Variants in PGM3 observed in about 807,000 individuals in gnomAD.
PGM3 encodes phosphoglucomutase 3.
Under a neutral mutation model 66.2 loss-of-function variants are expected in PGM3, and 40 were observed. The observed-to-expected ratio is 0.60, with a 90% CI of 0.47 to 0.79. The LOEUF (loss-of-function observed/expected upper bound fraction) is 0.79. PGM3 is among the 30% of genes least tolerant of loss of function. The probability of loss-of-function intolerance (pLI) is 0.00; values close to 1 mark genes in which losing one functional copy is unlikely to be tolerated. For synonymous variants in PGM3, 191 were observed against 224.2 expected, an observed-to-expected ratio of 0.85 and a Z score of 1.32; for missense variants, 537 against 643.4, an observed-to-expected ratio of 0.83 and a Z score of 1.79.
Position 83,181,916 on chromosome 6 carries a change from C to T in PGM3, c.607G>A (p.Asp203Asn), listed in dbSNP as rs748552273. 2 of 1,597,010 alleles carry T rather than the reference C, an allele frequency of 1.3e-6. No individual in the cohort carries two copies. Residue 203 changes from aspartate (D) to asparagine (N), a missense_variant, in exon 6 of 13, where the codon GAT (aspartate) becomes AAT (asparagine). Physicochemically the swap from Asp to Asn is conservative, Grantham distance 23 (BLOSUM62 1). Coordinates refer to ENST00000513973, the MANE Select transcript of PGM3 (RefSeq NM_015599.3). Reference protein sequence around the residue: ...ELTKQASCSGDEYRSLKVDCA... With the variant: ...ELTKQASCSGNEYRSLKVDCA... Reference sequence around the variant, plus strand: ...TCAACCTTAAGTGATCTGTATTCATCTCCACTGCAAGAAGCCTACAAAGGA... The same window carrying T: ...TCAACCTTAAGTGATCTGTATTCATTTCCACTGCAAGAAGCCTACAAAGGA...
chr6:83,166,168 T>C lies in PGM3; in HGVS notation c.*3066A>G, dbSNP rs933130352. On this transcript the variant is annotated 3_prime_UTR_variant, in exon 13 of 13. Transcript: ENST00000513973. ...ATTTTTTTATTTTTCACTCAGCTCA[T>C]GAGGCACCCATTTATTGAGCTTTTT... 3.9e-6 allele frequency: 2 copies of C among 509,070 alleles called. No individual in the cohort carries two copies. Among genetic ancestry groups the C allele is most frequent in the African/African-American group, 3.8e-5 (2 of 52,120 alleles). The allele number at this position is 509,070 out of a possible 1,614,324, so 31.5% of individuals were successfully genotyped here. A position where few individuals can be genotyped will look rare whatever the true frequency, so the allele number is the denominator to read the frequency against.
At position 83,167,879 on chromosome 6, in the gene PGM3, C is replaced by T; in HGVS notation, c.*1355G>A. 6.2e-7 allele frequency: 1 copy of T among 1,609,292 alleles called. No homozygotes were observed. The highest frequency in any genetic ancestry group is 8.5e-7 in the Non-Finnish European group (1 of 1,177,020). On this transcript the variant is annotated 3_prime_UTR_variant, in exon 13 of 13. Coordinates refer to ENST00000513973, the MANE Select transcript of PGM3 (RefSeq NM_015599.3). ...TTCTGCAGAAAAATCCAGAGGAAGA[C>T]AACTCAGGGAGAACATTGGGTTGGG... is the stretch of plus-strand genomic sequence containing the variant.
downstream of PGM3, among the ~76,000 whole-genome samples, chr6:83,161,498 G>T (rs891050754): frequency 6.6e-6 from 1 of 152,062 alleles, no homozygotes; most frequent in African/African-American, 2.4e-5. Context: ...AGATATTTTC[G>T]ATGTATATGA....
Position 83,166,926 on chromosome 6 carries a change from A to G in PGM3, c.*2308T>C, listed in dbSNP as rs889761613. On this transcript the variant is annotated 3_prime_UTR_variant, in exon 13 of 13. Transcript: ENST00000513973. ...ATGATTTCTTCCTTCTGTCTAGTTCATTGCTTATTTTCATTCTTTAGTGTG... is the reference window on the plus strand; with the variant it reads ...ATGATTTCTTCCTTCTGTCTAGTTCGTTGCTTATTTTCATTCTTTAGTGTG... 3 of 986,976 alleles carry G rather than the reference A, an allele frequency of 3.0e-6. No homozygotes were observed. The African/African-American group carries it at 5.2e-5, about 17-fold the overall frequency. The allele number at this position is 986,976 out of a possible 1,614,324, so 61.1% of individuals were successfully genotyped here.
At chr6:83,173,914 T>G (rs1292802909) in intron 10 of PGM3, among the ~76,000 whole-genome samples, 1 of 151,904 alleles carries the variant, frequency 6.6e-6, no homozygotes, top group Non-Finnish European at 1.5e-5. Context: ...TTTTTTGTAT[T>G]TTTAGTAGAG....
Position 83,190,850 on chromosome 6 carries a change from AT to A in PGM3, c.162del (p.Lys54AsnfsTer4), listed in dbSNP as rs764377394. ...GCTGTTACCATGACTCCTATAGTGG[AT>A]TTTGTCTGTTTTGACCTCAGGACAG... is the stretch of plus-strand genomic sequence containing the variant. Reference protein sequence around the residue: ...LLAVLRSKQTKSTIGVMVTAS... With the variant: ...LLAVLRSKQTXSTIGVMVTAS... On this transcript the variant is annotated frameshift_variant, in exon 2 of 13. Transcript: ENST00000513973. LOFTEE classifies it high-confidence loss of function. 3.1e-6 allele frequency: 5 copies of A among 1,613,898 alleles called. No homozygotes were observed. Among genetic ancestry groups the A allele is most frequent in the Non-Finnish European group, 4.2e-6 (5 of 1,179,972 alleles).
In PGM3 at chr6:83,167,678, AAACT is replaced by A. The variant is rs1424920330; in HGVS notation, c.*1552_*1555del. On this transcript the variant is annotated 3_prime_UTR_variant, in exon 13 of 13. Coordinates refer to ENST00000513973, the MANE Select transcript of PGM3 (RefSeq NM_015599.3). Reference sequence around the variant, plus strand: ...CTACAATGTTAGACTGCTCCATGTAAAACTAATAAATGGCAGTAAAAGGTCTCAG... The same window carrying A: ...CTACAATGTTAGACTGCTCCATGTAAAATAAATGGCAGTAAAAGGTCTCAG... 6 of 1,375,784 alleles carry A rather than the reference AAACT, an allele frequency of 4.4e-6. No individual in the cohort carries two copies. The highest frequency in any genetic ancestry group is 1.5e-5 in the African/African-American group (1 of 68,464). The allele number at this position is 1,375,784 out of a possible 1,614,324, so 85.2% of individuals were successfully genotyped here. A position where few individuals can be genotyped will look rare whatever the true frequency, so the allele number is the denominator to read the frequency against.
intron 1 of PGM3, among the ~76,000 whole-genome samples, chr6:83,192,852 CCATT>C (rs1789246907): frequency 1.3e-5 from 2 of 152,190 alleles, no homozygotes. Flanking sequence ...CCCCTACTCT[CCATT>C]CAATCTTCAA....
chr6:83,153,204 A>G, the PGM3 span, among the ~76,000 whole-genome samples: 2 of 152,124 alleles, frequency 1.3e-5, no homozygotes, highest in African/African-American at 2.4e-5. Context: ...AAAGAATACT[A>G]TAGTTTCTAG....
chr6:83,185,022 T>A (rs759887483), intron 4 of PGM3, among the ~76,000 whole-genome samples: 2 of 152,232 alleles, frequency 1.3e-5, no homozygotes, highest in Non-Finnish European at 2.9e-5. Flanking sequence ...TTAAAAAAAT[T>A]ACTCTCAACT....
At chr6:83,162,708 T>G, downstream of PGM3, 1 of 1,442,214 alleles carries the variant, frequency 6.9e-7, no homozygotes, top group Non-Finnish European at 9.2e-7. Flanking sequence ...GGGGTCATGA[T>G]CTTTCTACTA....
In PGM3 at chr6:83,167,607, T is replaced by C; in HGVS notation, c.*1627A>G. On this transcript the variant is annotated 3_prime_UTR_variant, in exon 13 of 13. Transcript: ENST00000513973. ...TTGACTCTATTCCTGTTCAAAGCTA[T>C]TTCTGTTAACTAAGCTTATCTGCGC... is the stretch of plus-strand genomic sequence containing the variant. 8.5e-7 allele frequency: 1 copy of C among 1,178,598 alleles called. No homozygotes were observed. Among genetic ancestry groups the C allele is most frequent in the Non-Finnish European group, 1.0e-6 (1 of 954,740 alleles). The allele number at this position is 1,178,598 out of a possible 1,614,324, so 73.0% of individuals were successfully genotyped here.
chr6:83,179,269 G>A (rs924923122), intron 7 of PGM3, among the ~76,000 whole-genome samples: 2 of 143,116 alleles, frequency 1.4e-5, no homozygotes, highest in African/African-American at 2.6e-5. Context: ...CCGAGATCAC[G>A]CCCCTGCACT....
At chr6:83,183,464 A>T (rs1788343175) in intron 4 of PGM3, among the ~76,000 whole-genome samples, 1 of 152,138 alleles carries the variant, frequency 6.6e-6, no homozygotes, top group Non-Finnish European at 1.5e-5. Context: ...TTTTCAGAGC[A>T]AAAAAAGCCC....
At chr6:83,178,602 A>C (rs1366619457) in intron 8 of PGM3, 71 bp downstream of exon 8, 4 of 836,370 alleles carry the variant, frequency 4.8e-6, no homozygotes, top group Non-Finnish European at 6.3e-6. Flanking sequence ...CACTTTTATG[A>C]GGGCAGTATC....
At chr6:83,154,180 T>C in the PGM3 span, 5 of 1,613,610 alleles carry the variant, frequency 3.1e-6, no homozygotes, top group South Asian at 3.3e-5. Flanking sequence ...TCTCTTTCAG[T>C]TGGAGAGCAA....
chr6:83,174,402 A>T lies in PGM3; in HGVS notation c.1214T>A (p.Leu405His). Residue 405 changes from leucine to histidine, a missense_variant, in exon 10 of 13, where the codon CTT (leucine) becomes CAT (histidine). Leu to His is a moderately conservative substitution (Grantham distance 99). Coordinates refer to ENST00000513973, the MANE Select transcript of PGM3 (RefSeq NM_015599.3). ...GTTAAACAAGTCAATAATGTTTTCAAGCATCTTAGCAGCTTTTCTTTTCTT... is the reference window on the plus strand; with the variant it reads ...GTTAAACAAGTCAATAATGTTTTCATGCATCTTAGCAGCTTTTCTTTTCTT... ...EDKKRKAAKM[L>H]ENIIDLFNQA... 1.9e-6 allele frequency: 3 copies of T among 1,601,246 alleles called. No homozygotes were observed. Among genetic ancestry groups the T allele is most frequent in the Non-Finnish European group, 2.6e-6 (3 of 1,170,300 alleles).
the PGM3 span, among the ~76,000 whole-genome samples, chr6:83,155,216 C>CTT: frequency 6.6e-6 from 1 of 150,776 alleles, no homozygotes; most frequent in African/African-American, 2.4e-5. Flanking sequence ...AATCCTAGCA[C>CTT]TTTGACAGGC....
the PGM3 span, among the ~76,000 whole-genome samples, chr6:83,152,968 A>G: frequency 1.3e-5 from 2 of 152,086 alleles, no homozygotes; most frequent in African/African-American, 2.4e-5. Flanking sequence ...GTATTTTACA[A>G]TTTACCAAAC....
Sources: allele counts gnomAD v4.1 joint callset (sites outside exome capture counted in the v4.1 genomes callset), GRCh38; gene constraint gnomAD v4.1.1; transcripts MANE v1.5; gene names NCBI Gene and HGNC (gene_info 2026-07-23, HGNC 2026-07-21).